Variants in NLRP4 observed in about 807,000 individuals in gnomAD.
The protein encoded by NLRP4 is NACHT, LRR and PYD domains-containing protein 4.
A neutral mutation model predicts 84.7 loss-of-function variants in NLRP4; 44 were observed. The observed-to-expected ratio is 0.52, with a 90% CI of 0.41 to 0.67. NLRP4 has a LOEUF of 0.67. NLRP4 is among the 30% of genes least tolerant of loss of function. The pLI is 0.00. For synonymous variants in NLRP4, 544 were observed against 476.4 expected (o/e 1.14, Z -1.85); for missense variants, 1,260 against 1,219.4 (o/e 1.03, Z -0.50).
rs1985591716 is a variant in NLRP4, at chr19:55,881,574, G to A, written c.2972G>A (p.Arg991Lys). ...TITDDCDTITRVEI is the reference protein window; with the variant it reads ...TITDDCDTITKVEI ...ACAGACGACTGTGACACAATCACAA[G>A]GGTAGAGATCTGATTGCGAGGAACC... Residue 991 changes from arginine (R) to lysine (K), a missense_variant, in exon 10 of 10, where the codon AGG (arginine) becomes AAG (lysine). This residue lies in a region of NLRP4 where 544 missense variants were observed against 531.7 expected (regional missense o/e 1.02). Coordinates refer to ENST00000301295, the MANE Select transcript of NLRP4 (RefSeq NM_134444.5). 3.2e-6 allele frequency: 5 copies of A among 1,562,720 alleles called. No homozygotes were observed. In the East Asian group the frequency reaches 1.1e-4, roughly 35 times the overall value.
In NLRP4 at chr19:55,881,797, C is replaced by T. The variant is rs1006949113; in HGVS notation, c.*210C>T. On this transcript the variant is annotated 3_prime_UTR_variant, in exon 10 of 10. Coordinates refer to ENST00000301295, the MANE Select transcript of NLRP4 (RefSeq NM_134444.5). Reference sequence around the variant, plus strand: ...TCACTGAAAGGCCTTCATGGTCTCTCGGTCTCACAAGGACCTCTTAACCCC... The same window carrying T: ...TCACTGAAAGGCCTTCATGGTCTCTTGGTCTCACAAGGACCTCTTAACCCC... 3.3e-5 allele frequency: 13 copies of T among 390,596 alleles called. No individual in the cohort carries two copies. The highest frequency in any genetic ancestry group is 6.9e-5 in the South Asian group (1 of 14,506). 24.2% of individuals were successfully genotyped at this position (390,596 alleles called of 1,614,324 possible). A position where few individuals can be genotyped will look rare whatever the true frequency, so the allele number is the denominator to read the frequency against.
At chr19:55,878,764 C>G (rs75238720) in intron 8 of NLRP4, 30 bp from the exon 9 acceptor site, 1 of 1,589,032 alleles carries the variant, frequency 6.3e-7, no homozygotes, top group Non-Finnish European at 8.6e-7. Flanking sequence ...AGGCTGGGGC[C>G]GCATCTTACC....
At chr19:55,872,273 A>G (rs1985215631) in intron 7 of NLRP4, among the ~76,000 whole-genome samples, 1 of 152,196 alleles carries the variant, frequency 6.6e-6, no homozygotes, top group Admixed American at 6.5e-5. Flanking sequence ...CCTGAAAGAA[A>G]CAAGAGCAAA....
chr19:55,871,690 T>C (rs147496294), intron 7 of NLRP4, among the ~76,000 whole-genome samples: 130 of 152,278 alleles, frequency 8.5e-4, no homozygotes, highest in African/African-American at 2.7e-3. Context: ...TTGAAGAGTA[T>C]GTTAAATAAC....
chr19:55,849,877 C>T (rs1010259250), intron 1 of NLRP4, among the ~76,000 whole-genome samples: 13 of 107,726 alleles, frequency 1.2e-4, no homozygotes, highest in East Asian at 5.3e-4. Context: ...TCCGTGGCCG[C>T]GGTGTAATTT....
rs1259514356 is a variant in NLRP4 at position 55,878,936 on chromosome 19, C to T, written c.2839C>T (p.His947Tyr). The T allele has an allele frequency of 4.3e-6, 7 of 1,613,720 alleles. No individual in the cohort carries two copies. The highest frequency in any genetic ancestry group is 5.9e-6 in the Non-Finnish European group (7 of 1,179,702). The part of the protein sequence containing the change: ...GVVVLCEALR[H>Y]PECALQVLGL... The stretch of plus-strand genomic sequence containing the variant: ...GGTTGTACTCTGTGAGGCCCTGAGA[C>T]ACCCAGAGTGTGCCCTGCAGGTGCT... Residue 947 changes from histidine (H) to tyrosine (Y), a missense_variant, in exon 9 of 10, where the codon CAC becomes TAC. Physicochemically the swap from His to Tyr is moderately conservative, Grantham distance 83 (BLOSUM62 2). Transcript: ENST00000301295.
chr19:55,859,319 G>A (rs73622455), intron 3 of NLRP4, 70 bp downstream of exon 3: 202,400 of 1,299,470 alleles, frequency 0.16, 17,013 homozygotes, highest in African/African-American at 0.27. Context: ...TTTTGCTGAG[G>A]GAGTGTTTAA....
At chr19:55,849,246 G>C (rs1279031829) in intron 1 of NLRP4, among the ~76,000 whole-genome samples, 3 of 152,058 alleles carry the variant, frequency 2.0e-5, no homozygotes, top group Non-Finnish European at 4.4e-5. Flanking sequence ...GGGTTTCTTT[G>C]GTTAGGAAGT....
Position 55,863,319 on chromosome 19 carries a change from T to C in NLRP4, c.2186+1160T>C, listed in dbSNP as rs1018199646. Among the ~76,000 whole-genome samples the C allele has an allele frequency of 7.9e-5, 12 of 152,226 alleles. 1 individual carries two copies. Among genetic ancestry groups the C allele is most frequent in the Admixed American group, 7.9e-4 (12 of 15,278 alleles). On this transcript the variant is annotated intron_variant, in intron 5 of 9. Coordinates refer to ENST00000301295, the MANE Select transcript of NLRP4 (RefSeq NM_134444.5). ...TCTCGCGCTGCTATAAAGACATACC[T>C]GAGACTGGGAATTTATAAATAAAAG...
rs1983998501 is a variant in NLRP4, at chr19:55,850,050, C to CGTGGCTGCGGT, written c.-65-1964_-65-1963insGGCTGCGGTGT. Among the ~76,000 whole-genome samples, 2 of 139,164 alleles carry CGTGGCTGCGGT rather than the reference C, an allele frequency of 1.4e-5. 1 individual carries two copies. The highest frequency in any genetic ancestry group is 6.0e-5 in the African/African-American group (2 of 33,570). The allele number at this position is 139,164 out of a possible 152,430, so 91.3% of individuals were successfully genotyped here. Reference sequence around the variant, plus strand: ...ATTTCCGAGACTGCGGTGTGATTTCCGTAGCTGCGGTGGAATTTCCGAGAC... The same window carrying CGTGGCTGCGGT: ...ATTTCCGAGACTGCGGTGTGATTTCCGTGGCTGCGGTGTAGCTGCGGTGGAATTTCCGAGAC... On this transcript the variant is annotated intron_variant, in intron 1 of 9. Transcript: ENST00000301295.
At chr19:55,873,276 A>G (rs1600241911) in intron 7 of NLRP4, among the ~76,000 whole-genome samples, 1 of 152,254 alleles carries the variant, frequency 6.6e-6, no homozygotes, top group Non-Finnish European at 1.5e-5. Flanking sequence ...TGAAGATTTA[A>G]TGGAAAAAAT....
chr19:55,839,019 T>C (rs569007270), intron 1 of NLRP4, among the ~76,000 whole-genome samples: 1 of 152,138 alleles, frequency 6.6e-6, no homozygotes, highest in South Asian at 2.1e-4. Context: ...GCAGGTTTGT[T>C]ACATAGGTGT....
chr19:55,868,566 G>A (rs1408271468), intron 6 of NLRP4, among the ~76,000 whole-genome samples: 1 of 146,388 alleles, frequency 6.8e-6, no homozygotes, highest in African/African-American at 2.5e-5. Flanking sequence ...GCAGTGGCAT[G>A]ATCTTGGCTT....
intron 2 of NLRP4, 81 bp downstream of exon 2, chr19:55,852,441 C>T: frequency 1.3e-6 from 1 of 742,312 alleles, no homozygotes; most frequent in Non-Finnish European, 2.2e-6. Flanking sequence ...TGCCTGTCTA[C>T]AACAGGACCT....
chr19:55,864,419 A>G (rs979822904), intron 5 of NLRP4, among the ~76,000 whole-genome samples: 5 of 152,228 alleles, frequency 3.3e-5, no homozygotes, highest in African/African-American at 1.2e-4. Flanking sequence ...TTTCTTGGCT[A>G]AATAGTATTC....
chr19:55,853,899 C>T (rs1984294005), intron 2 of NLRP4, among the ~76,000 whole-genome samples: 1 of 146,836 alleles, frequency 6.8e-6, no homozygotes, highest in Non-Finnish European at 1.5e-5. Context: ...TTCTCTCTCT[C>T]TCTCTCTTTC....
chr19:55,866,270 G>A (rs1044744247), intron 5 of NLRP4, among the ~76,000 whole-genome samples: 1 of 152,160 alleles, frequency 6.6e-6, no homozygotes, highest in African/African-American at 2.4e-5. Context: ...TTGACCTCAT[G>A]TTCCGCCCTC....
chr19:55,867,840 C>G lies in NLRP4; in HGVS notation c.2318C>G (p.Ala773Gly), dbSNP rs779594685. Residue 773 changes from alanine to glycine, a missense_variant, in exon 6 of 10, where the codon GCC becomes GGC. Physicochemically the swap from Ala to Gly is moderately conservative, Grantham distance 60. Coordinates refer to ENST00000301295, the MANE Select transcript of NLRP4 (RefSeq NM_134444.5). ...LDTGVPLLCE[A>G]LCSPDTVLVY... Reference sequence around the variant, plus strand: ...ACAGGCGTGCCCCTTTTGTGTGAAGCCCTGTGCAGCCCAGACACGGTCCTG... The same window carrying G: ...ACAGGCGTGCCCCTTTTGTGTGAAGGCCTGTGCAGCCCAGACACGGTCCTG... The G allele has an allele frequency of 1.2e-6, 2 of 1,614,132 alleles. No homozygotes were observed. The highest frequency in any genetic ancestry group is 1.7e-6 in the Non-Finnish European group (2 of 1,180,002).
At position 55,858,415 on chromosome 19, in the gene NLRP4, C is replaced by T. The variant is rs776917521; in HGVS notation, c.1022C>T (p.Pro341Leu). 1.5e-5 allele frequency: 24 copies of T among 1,613,998 alleles called. No homozygotes were observed. The highest frequency in any genetic ancestry group is 1.2e-4 in the South Asian group (11 of 91,088). ...SEQLFSICQI[P>L]LLCWILCTSL... ...CAGCTGTTTTCCATATGCCAAATCC[C>T]GCTCCTCTGCTGGATCCTGTGTACC... Residue 341 changes from proline (P) to leucine (L), a missense_variant, in exon 3 of 10, where the codon CCG (proline) becomes CTG (leucine). Pro to Leu is a moderately conservative substitution (Grantham distance 98). Transcript: ENST00000301295. This position sits in a 1 kb window ranked among gnomAD's most constrained non-coding sequence, Gnocchi z 4.2.
Sources: gnomAD v4.1 joint callset for allele counts (sites outside exome capture counted in the v4.1 genomes callset) on GRCh38, gnomAD v4.1.1 for gene constraint, gnomAD v4.1.1 regional missense constraint, Gnocchi (gnomAD v3.1) non-coding constraint, MANE v1.5 for transcripts, NCBI Gene and HGNC (gene_info 2026-07-23, HGNC 2026-07-21) for gene names.